DNHD1: variants seen among roughly 807,000 people sequenced by gnomAD.
DNHD1 encodes dynein heavy chain domain-containing protein 1.
In DNHD1, 383 loss-of-function variants were observed where a neutral mutation model predicts 458.1. The observed-to-expected ratio is 0.84, with a 90% confidence interval of 0.77 to 0.91. The LOEUF (loss-of-function observed/expected upper bound fraction) is 0.91, where lower values mean the gene tolerates loss of function less well. Among genes scored for constraint, DNHD1 ranks in the 40% least tolerant of loss-of-function variants. The pLI is 0.00. For missense variants in DNHD1, 5,336 were observed against 5,866.1 expected, an observed-to-expected ratio of 0.91 and a Z score of 2.95; for synonymous variants, 2,203 against 2,376.9, an observed-to-expected ratio of 0.93 and a Z score of 2.13.
intron 14 of DNHD1, among the ~76,000 whole-genome samples, chr11:6,535,914 AAAAG>A (rs1317924162): frequency 6.6e-5 from 10 of 152,180 alleles, no homozygotes; most frequent in Non-Finnish European, 8.8e-5. Flanking sequence ...GTTGTAAAAA[AAAAG>A]AAAGAAAGAA....
intron 14 of DNHD1, among the ~76,000 whole-genome samples, chr11:6,536,919 G>T (rs759590579): frequency 6.6e-6 from 1 of 152,180 alleles, no homozygotes; most frequent in Non-Finnish European, 1.5e-5. Context: ...GAAGAGTTTA[G>T]ATTTACTGTC....
chr11:6,564,249 C>G (rs1309207532), intron 31 of DNHD1, 84 bp from the exon 32 acceptor site: 15 of 1,448,316 alleles, frequency 1.0e-5, no homozygotes, highest in Non-Finnish European at 1.4e-5. Flanking sequence ...TCCTCCACAC[C>G]CCACCTTGCC....
At position 6,571,067 on chromosome 11, in the gene DNHD1, C is replaced by G; in HGVS notation, c.13555C>G (p.Arg4519Gly). Residue 4519 changes from arginine to glycine, a missense_variant, in exon 42 of 43, where the codon CGC (arginine) becomes GGC (glycine). Arg to Gly is a moderately radical substitution (Grantham distance 125). Around this residue, in one of 4 missense-constraint regions of DNHD1, gnomAD observed 698 missense variants for 664.9 expected, o/e 1.05. Transcript: ENST00000254579. This position sits in a 1 kb window ranked among gnomAD's most constrained non-coding sequence, Gnocchi z 5.0. ...QLKGAPPCPS[R>G]RCAAVAHALW... is the part of the protein sequence containing the mutation. Reference sequence around the variant, plus strand: ...GAAGGGCGCACCCCCGTGCCCCTCCCGCCGCTGTGCTGCGGTGGCCCACGC... The same window carrying G: ...GAAGGGCGCACCCCCGTGCCCCTCCGGCCGCTGTGCTGCGGTGGCCCACGC... 1 of 1,581,606 alleles carries G rather than the reference C, an allele frequency of 6.3e-7. No homozygotes were observed. Among genetic ancestry groups the G allele is most frequent in the Non-Finnish European group, 8.6e-7 (1 of 1,162,742 alleles).
At position 6,529,028 on chromosome 11, in the gene DNHD1, G is replaced by A. The variant is rs1055617363; in HGVS notation, c.2254G>A (p.Val752Ile). 5 of 1,551,356 alleles carry A rather than the reference G, an allele frequency of 3.2e-6. No homozygotes were observed. In the South Asian group the frequency reaches 3.6e-5, roughly 11 times the overall value. The change falls in exon 12 of 43, where the codon GTT (valine) becomes ATT (isoleucine). Residue 752 changes from valine to isoleucine, a missense_variant. By Grantham distance (29) the Val-to-Ile change is conservative (BLOSUM62 3). Around this residue, in one of 4 missense-constraint regions of DNHD1, gnomAD observed 3,932 missense variants for 4,365.6 expected, o/e 0.90. Transcript: ENST00000254579. ...NYVTLVSRLNVWQARVSSMPI... is the reference protein window; with the variant it reads ...NYVTLVSRLNIWQARVSSMPI... Reference sequence around the variant, plus strand: ...CGTGACGCTGGTGAGCCGCCTGAATGTTTGGCAGGCCCGTGTCTCCAGTAT... The same window carrying A: ...CGTGACGCTGGTGAGCCGCCTGAATATTTGGCAGGCCCGTGTCTCCAGTAT...
chr11:6,539,284 C>A lies in DNHD1; in HGVS notation c.3391C>A (p.Leu1131Met), dbSNP rs1853037994. ...LTLGQLLTYP[L>M]LEFADRINQV... ...GCTGGGCCAGCTGCTTACTTATCCA[C>A]TGCTGGAGTTTGCAGATCGAATCAA... The change falls in exon 17 of 43, where the codon CTG becomes ATG. Residue 1131 changes from leucine to methionine, a missense_variant. Transcript: ENST00000254579. The A allele has an allele frequency of 6.4e-7, 1 of 1,551,532 alleles. No individual in the cohort carries two copies. Among genetic ancestry groups the A allele is most frequent in the African/African-American group, 1.4e-5 (1 of 73,056 alleles).
chr11:6,512,416 G>T (rs1472157459), intron 7 of DNHD1, among the ~76,000 whole-genome samples: 2 of 151,582 alleles, frequency 1.3e-5, no homozygotes, highest in East Asian at 1.9e-4. Context: ...TAGAGATGGG[G>T]TTTCACTGTG....
chr11:6,571,507 C>A lies in DNHD1; in HGVS notation c.13911+84C>A, dbSNP rs967512804. On this transcript the variant is annotated intron_variant, in intron 42 of 42. Coordinates refer to ENST00000254579, the MANE Select transcript of DNHD1 (RefSeq NM_144666.3). The surrounding 1 kb of genome is among the most constrained non-coding windows in gnomAD (Gnocchi z 5.0). ...CTCGCAGTTACCCCTTCTTGGTGAT[C>A]TTGCCCCCGGTAACCCTGCTAGCTT... 10 of 1,467,966 alleles carry A rather than the reference C, an allele frequency of 6.8e-6. No individual in the cohort carries two copies. Among genetic ancestry groups the A allele is most frequent in the African/African-American group, 1.4e-5 (1 of 70,680 alleles). The allele number at this position is 1,467,966 out of a possible 1,614,324, so 90.9% of individuals were successfully genotyped here.
chr11:6,545,044 G>T lies in DNHD1; in HGVS notation c.4105G>T (p.Ala1369Ser). ...CTTCCTTAGTGACAGTGAGCTGGTA[G>T]CCCTGCTGGCTGCTCGACTGGAATC... ...LFFLSDSELVALLAARLESCE... is the reference protein window; with the variant it reads ...LFFLSDSELVSLLAARLESCE... Residue 1369 changes from alanine (A) to serine (S), a missense_variant, in exon 21 of 43, where the codon GCC becomes TCC. This residue lies in a region of DNHD1 where 3,932 missense variants were observed against 4,365.6 expected (regional missense o/e 0.90). Transcript: ENST00000254579. The surrounding 1 kb of genome is among the most constrained non-coding windows in gnomAD (Gnocchi z 4.9). 6.4e-7 allele frequency: 1 copy of T among 1,551,902 alleles called. No homozygotes were observed.
chr11:6,565,778 G>A lies in DNHD1; in HGVS notation c.10840G>A (p.Ala3614Thr). 4 of 1,551,642 alleles carry A rather than the reference G, an allele frequency of 2.6e-6. No homozygotes were observed. The highest frequency in any genetic ancestry group is 3.5e-6 in the Non-Finnish European group (4 of 1,147,004). The change falls in exon 33 of 43, where the codon GCT becomes ACT. Residue 3614 changes from alanine (A) to threonine (T), a missense_variant. By Grantham distance (58) the Ala-to-Thr change is moderately conservative. This residue lies in a region of DNHD1 where 695 missense variants were observed against 804.2 expected (regional missense o/e 0.86). Transcript: ENST00000254579. The stretch of plus-strand genomic sequence containing the variant: ...TGATGAGAGTGAAGAGAGTAATGAG[G>A]CTGAGGACCAGACAAAAGAGCAGAA... ...EDDESEESNE[A>T]EDQTKEQKAE...
chr11:6,565,253 A>C (rs1352584102), intron 32 of DNHD1, among the ~76,000 whole-genome samples: 2 of 152,202 alleles, frequency 1.3e-5, no homozygotes, highest in African/African-American at 2.4e-5. Flanking sequence ...GATGTAATTA[A>C]GTTAAGGACT....
intron 16 of DNHD1, 137 bp downstream of exon 16, chr11:6,538,947 A>G (rs780894051): frequency 1.9e-5 from 20 of 1,048,070 alleles, no homozygotes; most frequent in Non-Finnish European, 2.4e-5. Flanking sequence ...CACATATTTC[A>G]ATTTCTTTTC....
intron 7 of DNHD1, among the ~76,000 whole-genome samples, chr11:6,514,886 A>G (rs73402941): frequency 1.6e-3 from 239 of 152,322 alleles, no homozygotes; most frequent in African/African-American, 5.7e-3. Context: ...TGGGAAGTCC[A>G]AGAGCATCTG....
At position 6,548,041 on chromosome 11, in the gene DNHD1, G is replaced by C. The variant is rs1853261155; in HGVS notation, c.6905+1G>C. 6.4e-7 allele frequency: 1 copy of C among 1,551,554 alleles called. No individual in the cohort carries two copies. The highest frequency in any genetic ancestry group is 8.7e-7 in the Non-Finnish European group (1 of 1,146,998). On this transcript the variant is annotated splice_donor_variant, in intron 22 of 42. Coordinates refer to ENST00000254579, the MANE Select transcript of DNHD1 (RefSeq NM_144666.3). LOFTEE classifies it high-confidence loss of function. The surrounding 1 kb of genome is among the most constrained non-coding windows in gnomAD (Gnocchi z 4.4). ...GCTTTGGAGCCCACCTTCCCTCCAGGTACCTACCAGGATGGGGGATGGGAG... is the reference window on the plus strand; with the variant it reads ...GCTTTGGAGCCCACCTTCCCTCCAGCTACCTACCAGGATGGGGGATGGGAG...
chr11:6,500,591 A>G (rs1852113086), intron 3 of DNHD1, among the ~76,000 whole-genome samples: 1 of 152,240 alleles, frequency 6.6e-6, no homozygotes, highest in African/African-American at 2.4e-5. Context: ...TCCTGGGAGA[A>G]CTTGACTGAA....
At chr11:6,501,312 T>A (rs1293980104) in intron 3 of DNHD1, among the ~76,000 whole-genome samples, 1 of 151,868 alleles carries the variant, frequency 6.6e-6, no homozygotes, top group Non-Finnish European at 1.5e-5. Context: ...TTTTTTTTTT[T>A]TTTTTGATAG....
Position 6,558,903 on chromosome 11 carries a change from C to G in DNHD1, c.9213C>G (p.Gly3071=). ...AGGCTAAAGCCATGCCCATTGCAGG[C>G]TCCTGGAAGTACCCAGACCTCCAGG... ...EGAQSVPLDD[G]SWKYPDLQAS... The change falls in exon 27 of 43, where the codon GGC becomes GGG. Residue 3071 remains glycine, a splice_region_variant and synonymous_variant. Transcript: ENST00000254579. 1 of 1,551,692 alleles carries G rather than the reference C, an allele frequency of 6.4e-7. No individual in the cohort carries two copies. Among genetic ancestry groups the G allele is most frequent in the Non-Finnish European group, 8.7e-7 (1 of 1,146,984 alleles).
chr11:6,563,477 G>A lies in DNHD1; in HGVS notation c.9765G>A (p.Arg3255=), dbSNP rs962854812. ...GAGCACCACCAGAATCTGTGGTCCG[G>A]GTAACTGATGCAATGTGTGACTTGT... The part of the protein sequence containing the change: ...SYRAPPESVV[R]VTDAMCDLFH... The change falls in exon 30 of 43, where the codon CGG becomes CGA. Residue 3255 remains arginine, a synonymous_variant. Transcript: ENST00000254579. 1.0e-5 allele frequency: 16 copies of A among 1,551,698 alleles called. No homozygotes were observed. The highest frequency in any genetic ancestry group is 1.4e-5 in the Non-Finnish European group (16 of 1,147,000).
At chr11:6,555,639 G>A (rs1198811957) in intron 24 of DNHD1, among the ~76,000 whole-genome samples, 2 of 152,066 alleles carry the variant, frequency 1.3e-5, no homozygotes, top group African/African-American at 2.4e-5. Flanking sequence ...AAGGAAACAC[G>A]CAAAAACATG....
intron 18 of DNHD1, among the ~76,000 whole-genome samples, chr11:6,543,585 G>T (rs765081896): frequency 6.6e-5 from 10 of 152,148 alleles, no homozygotes; most frequent in Non-Finnish European, 1.3e-4. Flanking sequence ...AGTGCCTTGG[G>T]AAAGGAGGAG....
Sources: allele counts gnomAD v4.1 joint callset (sites outside exome capture counted in the v4.1 genomes callset), GRCh38; gene constraint gnomAD v4.1.1; regional missense constraint gnomAD v4.1.1; non-coding constraint Gnocchi (gnomAD v3.1); transcripts MANE v1.5; gene names NCBI Gene and HGNC (gene_info 2026-07-23, HGNC 2026-07-21).